Variants in RAPGEF5 observed in about 807,000 individuals in gnomAD.
The protein encoded by RAPGEF5 is M-Ras-regulated GEF.
A neutral mutation model predicts 125.2 loss-of-function variants in RAPGEF5; 65 were observed. The observed-to-expected ratio is 0.52, with a 90% CI of 0.43 to 0.64. The LOEUF is 0.64. Ranked by LOEUF, RAPGEF5 falls within the 30% of genes least tolerant of loss-of-function variation. RAPGEF5 has a pLI of 0.00. For missense variants in RAPGEF5, 958 were observed against 1,048.1 expected, an observed-to-expected ratio of 0.91 and a Z score of 1.19; for synonymous variants, 391 against 385.9, an observed-to-expected ratio of 1.01 and a Z score of -0.16.
intron 8 of RAPGEF5, among the ~76,000 whole-genome samples, chr7:22,221,899 A>C (rs1583493592): frequency 1.3e-5 from 2 of 152,262 alleles, no homozygotes; most frequent in East Asian, 3.9e-4. Context: ...TAAAGGATTT[A>C]TTTGAGTAAG....
intron 2 of RAPGEF5, among the ~76,000 whole-genome samples, chr7:22,317,159 C>T (rs1318742186): frequency 6.6e-6 from 1 of 151,742 alleles, no homozygotes; most frequent in Non-Finnish European, 1.5e-5. Context: ...GGTGGGGATA[C>T]AGCGGTGGAG....
Position 22,357,054 on chromosome 7 carries a change from T to G in RAPGEF5, c.7A>C (p.Met3Leu). The G allele has an allele frequency of 9.6e-7, 1 of 1,037,648 alleles. No individual in the cohort carries two copies. The highest frequency in any genetic ancestry group is 1.2e-6 in the Non-Finnish European group (1 of 865,294). The allele number at this position is 1,037,648 out of a possible 1,614,324, so 64.3% of individuals were successfully genotyped here. Residue 3 changes from methionine to leucine, a missense_variant, in exon 1 of 26, where the codon ATG becomes CTG. Physicochemically the swap from Met to Leu is conservative, Grantham distance 15. Coordinates refer to ENST00000665637, the MANE Select transcript of RAPGEF5 (RefSeq NM_012294.5). ...TGCATCTTGACGGAGCCCACGGCCA[T>G]CCTCATGCCCTGACGGCGCTGCGGC... MR[M>L]AVGSVKMQPP...
At chr7:22,316,897 C>T (rs952472013) in intron 2 of RAPGEF5, among the ~76,000 whole-genome samples, 1 of 151,394 alleles carries the variant, frequency 6.6e-6, no homozygotes, top group African/African-American at 2.4e-5. Flanking sequence ...CTTTAATTTT[C>T]CTGATATCAT....
chr7:22,327,836 A>G (rs949677065), intron 1 of RAPGEF5, among the ~76,000 whole-genome samples: 1 of 152,244 alleles, frequency 6.6e-6, no homozygotes, highest in South Asian at 2.1e-4. Flanking sequence ...CTGGGCTCCA[A>G]CCCATGGATT....
chr7:22,154,397 C>T (rs1783731488), intron 17 of RAPGEF5, 58 bp downstream of exon 17: 3 of 1,579,984 alleles, frequency 1.9e-6, no homozygotes, highest in Admixed American at 1.8e-5. Flanking sequence ...AATGTCACCT[C>T]CCTCCTTTTG....
At chr7:22,155,921 T>C (rs761532664) in intron 16 of RAPGEF5, among the ~76,000 whole-genome samples, 1 of 152,208 alleles carries the variant, frequency 6.6e-6, no homozygotes, top group African/African-American at 2.4e-5. Flanking sequence ...GATGAAACTT[T>C]AAGACAAATG....
intron 1 of RAPGEF5, among the ~76,000 whole-genome samples, chr7:22,331,527 C>T (rs922709049): frequency 7.9e-5 from 12 of 152,110 alleles, no homozygotes; most frequent in African/African-American, 2.4e-4. Context: ...GGGCGGATCA[C>T]GAGGTCAGGA....
chr7:22,164,674 A>T (rs1784107368), intron 12 of RAPGEF5, among the ~76,000 whole-genome samples: 1 of 152,156 alleles, frequency 6.6e-6, no homozygotes. Flanking sequence ...CAATATTAGG[A>T]TACAGACATT....
Position 22,170,620 on chromosome 7 carries a change from T to C in RAPGEF5, c.1205-3472A>G, listed in dbSNP as rs377335799. ...AAACCATTAACTTTGACATAACCAG[T>C]CATTCCATTCCAGAACAACCTTAGA... On this transcript the variant is annotated intron_variant, in intron 11 of 25. Coordinates refer to ENST00000665637, the MANE Select transcript of RAPGEF5 (RefSeq NM_012294.5). Among the ~76,000 whole-genome samples, 3 of 152,308 alleles carry C rather than the reference T, an allele frequency of 2.0e-5. No individual in the cohort carries two copies. The South Asian group carries it at 6.2e-4, about 32-fold the overall frequency.
At chr7:22,295,596 G>C (rs1262371574) in intron 5 of RAPGEF5, among the ~76,000 whole-genome samples, 1 of 152,172 alleles carries the variant, frequency 6.6e-6, no homozygotes, top group African/African-American at 2.4e-5. Context: ...GAAGGACTTA[G>C]TGTTTCCTTG....
intron 1 of RAPGEF5, among the ~76,000 whole-genome samples, chr7:22,345,141 T>C (rs1784198188): frequency 6.6e-6 from 1 of 152,204 alleles, no homozygotes; most frequent in Non-Finnish European, 1.5e-5. Context: ...GTTTGAGAAG[T>C]TCCGCTTTAG....
Position 22,193,927 on chromosome 7 carries a change from T to C in RAPGEF5, c.1103A>G (p.Glu368Gly). ...CGPAPTAGSA[E>G]SHWRYVVVSG... is the part of the protein sequence containing the mutation. Reference sequence around the variant, plus strand: ...GGGAAACTCTCACCTCCAATGGCTCTCCGCACTCCCAGCTGTGGGGGCTGG... The same window carrying C: ...GGGAAACTCTCACCTCCAATGGCTCCCCGCACTCCCAGCTGTGGGGGCTGG... The change falls in exon 10 of 26, where the codon GAG becomes GGG. Residue 368 changes from glutamate to glycine, a missense_variant. Physicochemically the swap from Glu to Gly is moderately conservative, Grantham distance 98. Coordinates refer to ENST00000665637, the MANE Select transcript of RAPGEF5 (RefSeq NM_012294.5). 1.2e-6 allele frequency: 2 copies of C among 1,613,782 alleles called. No individual in the cohort carries two copies. The highest frequency in any genetic ancestry group is 2.2e-5 in the South Asian group (2 of 91,020).
chr7:22,125,557 C>T (rs368156522), intron 25 of RAPGEF5, 47 bp downstream of exon 25: 2 of 1,539,048 alleles, frequency 1.3e-6, no homozygotes, highest in African/African-American at 1.4e-5. Context: ...ACAGTTGGTA[C>T]CAACGTAGAG....
intron 5 of RAPGEF5, among the ~76,000 whole-genome samples, chr7:22,301,949 C>A (rs1468362555): frequency 6.6e-6 from 1 of 152,138 alleles, no homozygotes; most frequent in Non-Finnish European, 1.5e-5. Context: ...ATGAACTGAG[C>A]TCAACCCCTG....
intron 3 of RAPGEF5, among the ~76,000 whole-genome samples, chr7:22,310,806 T>A (rs1341833864): frequency 2.0e-5 from 3 of 152,212 alleles, no homozygotes; most frequent in Non-Finnish European, 4.4e-5. Flanking sequence ...TGTGTTGGAT[T>A]CCACTAACCA....
At chr7:22,294,836 C>G (rs965125849) in intron 5 of RAPGEF5, among the ~76,000 whole-genome samples, 14 of 152,162 alleles carry the variant, frequency 9.2e-5, no homozygotes, top group Non-Finnish European at 1.9e-4. Flanking sequence ...AGTTCATGTC[C>G]CTCTACTCAA....
Position 22,302,836 on chromosome 7 carries a change from A to G in RAPGEF5, c.680+5503T>C, listed in dbSNP as rs371386680. Among the ~76,000 whole-genome samples the G allele has an allele frequency of 8.3e-5, 12 of 144,090 alleles. No individual in the cohort carries two copies. In the East Asian group the frequency reaches 1.0e-3, roughly 12 times the overall value. The allele number at this position is 144,090 out of a possible 152,430, so 94.5% of individuals were successfully genotyped here. The stretch of plus-strand genomic sequence containing the variant: ...GGCAGTTCATGTAGACAAACATCAG[A>G]TCACTTAGAGAAAAACAAAGAAGCT... On this transcript the variant is annotated intron_variant, in intron 5 of 25. Coordinates refer to ENST00000665637, the MANE Select transcript of RAPGEF5 (RefSeq NM_012294.5).
chr7:22,131,021 A>G lies in RAPGEF5; in HGVS notation c.2481+16T>C, dbSNP rs375982123. ...CTGTTACTGTAAAAAAGGGAGAAGT[A>G]ATGAAATTTACGTACCAGCTTTTCA... On this transcript the variant is annotated intron_variant, in intron 24 of 25. Coordinates refer to ENST00000665637, the MANE Select transcript of RAPGEF5 (RefSeq NM_012294.5). 8.4e-6 allele frequency: 13 copies of G among 1,540,822 alleles called. No homozygotes were observed. The highest frequency in any genetic ancestry group is 7.0e-6 in the Non-Finnish European group (8 of 1,141,792).
At chr7:22,280,992 T>G (rs575967670) in intron 6 of RAPGEF5, among the ~76,000 whole-genome samples, 1 of 152,318 alleles carries the variant, frequency 6.6e-6, no homozygotes, top group African/African-American at 2.4e-5. Flanking sequence ...CTTCTGACTT[T>G]AAGAGTGGTT....
Sources: allele counts gnomAD v4.1 joint callset (sites outside exome capture counted in the v4.1 genomes callset), GRCh38; gene constraint gnomAD v4.1.1; transcripts MANE v1.5; gene names NCBI Gene and HGNC (gene_info 2026-07-23, HGNC 2026-07-21).